Variants in CDH6 observed in about 807,000 individuals in gnomAD.
CDH6 encodes cadherin-6.
In CDH6, 31 loss-of-function variants were observed where a neutral mutation model predicts 78.0. The ratio of observed to expected loss-of-function variants is 0.40; its 90% confidence interval spans 0.30 to 0.54. The LOEUF is 0.54. Ranked by LOEUF, CDH6 falls within the 20% of genes least tolerant of loss-of-function variation. CDH6 has a pLI of 0.56. For synonymous variants in CDH6, 376 were observed against 368.8 expected, an observed-to-expected ratio of 1.02 and a Z score of -0.23; for missense variants, 724 against 975.9, an observed-to-expected ratio of 0.74 and a Z score of 3.44.
At chr5:31,274,708 T>A (rs1353684516) in intron 2 of CDH6, among the ~76,000 whole-genome samples, 1 of 152,200 alleles carries the variant, frequency 6.6e-6, no homozygotes, top group East Asian at 1.9e-4. Flanking sequence ...GAATCCCAGC[T>A]ACTCAGGAGA....
At chr5:31,277,174 A>G (rs1187006112) in intron 2 of CDH6, among the ~76,000 whole-genome samples, 3 of 152,222 alleles carry the variant, frequency 2.0e-5, no homozygotes, top group Non-Finnish European at 4.4e-5. Flanking sequence ...GAAAAATAAT[A>G]TGCACACGAC....
chr5:31,199,467 CACACACATATGTGT>C (rs1740269210), intron 1 of CDH6, among the ~76,000 whole-genome samples: 1 of 63,634 alleles, frequency 1.6e-5, no homozygotes, highest in Non-Finnish European at 3.3e-5. Flanking sequence ...TGTATATATA[CACACACATATGTGT>C]ATATATGTAC....
rs1469377585 is a variant in CDH6 at position 31,313,402 on chromosome 5, T to C, written c.1338T>C (p.Leu446=). Residue 446 remains leucine (L), a synonymous_variant, in exon 8 of 12, where the codon CTT becomes CTC. Transcript: ENST00000265071. The stretch of plus-strand genomic sequence containing the variant: ...GTTCGATTTTTACATCGAAACTTCT[T>C]GACCGAGAAACACTGCTATGGCACA... ...GNGSIFTSKL[L]DRETLLWHNI... is the part of the protein sequence containing the mutation. 2 of 1,614,122 alleles carry C rather than the reference T, an allele frequency of 1.2e-6. No individual in the cohort carries two copies. Among genetic ancestry groups the C allele is most frequent in the Non-Finnish European group, 1.7e-6 (2 of 1,179,956 alleles).
rs578237058 is a variant in CDH6 at position 31,294,861 on chromosome 5, C to A, written c.523+605C>A. 6.6e-6 allele frequency among the ~76,000 whole-genome samples: 1 copy of A among 152,004 alleles called. No homozygotes were observed. Among genetic ancestry groups the A allele is most frequent in the Non-Finnish European group, 1.5e-5 (1 of 68,000 alleles). On this transcript the variant is annotated intron_variant, in intron 3 of 11. Transcript: ENST00000265071. The surrounding 1 kb of genome is among the most constrained non-coding windows in gnomAD (Gnocchi z 4.1). ...ACAATACCTCTACTTTTTTAAATAA[C>A]TAGTGGATTTAATTTGTTTAAATTG...
rs375594877 is a variant in CDH6 at position 31,323,228 on chromosome 5, G to C, written c.2293G>C (p.Asp765His). 1.2e-6 allele frequency: 2 copies of C among 1,614,070 alleles called. No homozygotes were observed. Among genetic ancestry groups the C allele is most frequent in the Non-Finnish European group, 1.7e-6 (2 of 1,180,034 alleles). Residue 765 changes from aspartate to histidine, a missense_variant, in exon 12 of 12, where the codon GAT (aspartate) becomes CAT (histidine). Transcript: ENST00000265071. Reference protein sequence around the residue: ...SVTTDADQDYDYLSDWGPRFK... With the variant: ...SVTTDADQDYHYLSDWGPRFK... ...GACCACGGATGCAGATCAAGACTAT[G>C]ATTACCTTAGTGACTGGGGACCTCG...
chr5:31,311,247 C>G (rs753446758), intron 7 of CDH6, among the ~76,000 whole-genome samples: 3 of 152,232 alleles, frequency 2.0e-5, no homozygotes, highest in Non-Finnish European at 4.4e-5. Context: ...TCCACAGATT[C>G]TAGCGTAGAG....
chr5:31,266,422 A>G (rs749449140), intron 1 of CDH6, among the ~76,000 whole-genome samples: 14 of 152,180 alleles, frequency 9.2e-5, no homozygotes, highest in Non-Finnish European at 1.9e-4. Context: ...CAACTGTGCA[A>G]CTGTAATTTT....
intron 1 of CDH6, among the ~76,000 whole-genome samples, chr5:31,231,700 A>G (rs1741314135): frequency 6.6e-6 from 1 of 152,108 alleles, no homozygotes; most frequent in Non-Finnish European, 1.5e-5. Flanking sequence ...ATAACTCACT[A>G]ATTCATTAAC....
At chr5:31,280,402 A>G (rs1742829078) in intron 2 of CDH6, among the ~76,000 whole-genome samples, 1 of 152,070 alleles carries the variant, frequency 6.6e-6, no homozygotes, top group African/African-American at 2.4e-5. Context: ...CCACATAACC[A>G]CTCTCTAGTT....
In CDH6 at chr5:31,288,202, A is replaced by G. The variant is rs1201941254; in HGVS notation, c.229-5760A>G. Among the ~76,000 whole-genome samples, 6 of 152,244 alleles carry G rather than the reference A, an allele frequency of 3.9e-5. No homozygotes were observed. The East Asian group carries it at 7.7e-4, about 20-fold the overall frequency. On this transcript the variant is annotated intron_variant, in intron 2 of 11. Coordinates refer to ENST00000265071, the MANE Select transcript of CDH6 (RefSeq NM_004932.4). The stretch of plus-strand genomic sequence containing the variant: ...TGTGAAAACTGAATCACAGGGCTGA[A>G]CAGCCACACACCCAGCTGACCCACA...
rs535540948 is a variant in CDH6 at position 31,257,942 on chromosome 5, A to T, written c.-128-9404A>T. Among the ~76,000 whole-genome samples, 6 of 152,252 alleles carry T rather than the reference A, an allele frequency of 3.9e-5. No homozygotes were observed. In the South Asian group the frequency reaches 6.2e-4, roughly 16 times the overall value. ...AGTTGGGTTTTATCGAAGTTCTGCC[A>T]CTCACTAGCTATGTACTCTGGGCAA... On this transcript the variant is annotated intron_variant, in intron 1 of 11. Transcript: ENST00000265071.
chr5:31,222,196 T>A (rs2111833127), intron 1 of CDH6, among the ~76,000 whole-genome samples: 1 of 152,322 alleles, frequency 6.6e-6, no homozygotes, highest in Non-Finnish European at 1.5e-5. Context: ...AATGTTTTAA[T>A]ATTGGAAATA....
At chr5:31,306,853 C>G (rs2149954652) in intron 7 of CDH6, among the ~76,000 whole-genome samples, 1 of 152,170 alleles carries the variant, frequency 6.6e-6, no homozygotes, top group Admixed American at 6.5e-5. Context: ...AAATAAAGAG[C>G]ACCTGGAGTA....
chr5:31,284,270 A>T (rs139494185), intron 2 of CDH6, among the ~76,000 whole-genome samples: 4 of 152,052 alleles, frequency 2.6e-5, no homozygotes, highest in Admixed American at 2.6e-4. Flanking sequence ...CAGCTATCTC[A>T]ATGGGGTTTG....
Position 31,328,291 on chromosome 5 carries a change from C to T in CDH6, c.*4983C>T, listed in dbSNP as rs557333641. ...CCAGCCTTGTGGAAAAAGCATTCCA[C>T]GCTAATGAGATCTTGGTCTTTCTTG... On this transcript the variant is annotated 3_prime_UTR_variant, in exon 12 of 12. Coordinates refer to ENST00000265071, the MANE Select transcript of CDH6 (RefSeq NM_004932.4). The T allele has an allele frequency of 1.0e-5, 2 of 196,694 alleles. No individual in the cohort carries two copies. The highest frequency in any genetic ancestry group is 1.9e-4 in the South Asian group (1 of 5,186). 12.2% of individuals were successfully genotyped at this position (196,694 alleles called of 1,614,324 possible). A position where few individuals can be genotyped will look rare whatever the true frequency, so the allele number is the denominator to read the frequency against.
chr5:31,304,123 A>T (rs1293586132), intron 6 of CDH6, among the ~76,000 whole-genome samples: 1 of 152,102 alleles, frequency 6.6e-6, no homozygotes, highest in Non-Finnish European at 1.5e-5. Flanking sequence ...AATTAGCCCA[A>T]TGCCCTTTTC....
chr5:31,305,371 C>T lies in CDH6; in HGVS notation c.1197C>T (p.Asn399=), dbSNP rs749191027. 54 of 1,614,158 alleles carry T rather than the reference C, an allele frequency of 3.3e-5. No individual in the cohort carries two copies. Among genetic ancestry groups the T allele is most frequent in the Non-Finnish European group, 4.3e-5 (51 of 1,179,988 alleles). The stretch of plus-strand genomic sequence containing the variant: ...AAATAAGAGAAGATGCTCAGATAAA[C>T]ACCACAATAGGCTCCGTCACAGCCC... ...ILQIREDAQI[N]TTIGSVTAQD... is the part of the protein sequence containing the mutation. Residue 399 remains asparagine, a synonymous_variant, in exon 7 of 12, where the codon AAC becomes AAT. Transcript: ENST00000265071.
chr5:31,229,286 A>C (rs1371456067), intron 1 of CDH6, among the ~76,000 whole-genome samples: 1 of 152,240 alleles, frequency 6.6e-6, no homozygotes, highest in Non-Finnish European at 1.5e-5. Flanking sequence ...TACCCTGGCT[A>C]ACAGACCTCT....
chr5:31,229,024 G>C (rs1741241032), intron 1 of CDH6, among the ~76,000 whole-genome samples: 1 of 152,208 alleles, frequency 6.6e-6, no homozygotes, highest in Non-Finnish European at 1.5e-5. Flanking sequence ...ATACAGGTTA[G>C]TTCTTTCTCC....
Sources: gnomAD v4.1 joint callset for allele counts (sites outside exome capture counted in the v4.1 genomes callset) on GRCh38, gnomAD v4.1.1 for gene constraint, Gnocchi (gnomAD v3.1) non-coding constraint, MANE v1.5 for transcripts, NCBI Gene and HGNC (gene_info 2026-07-23, HGNC 2026-07-21) for gene names.